SORL1: variants seen among roughly 807,000 people sequenced by gnomAD.
The protein encoded by SORL1 is sortilin related receptor 1.
Under a neutral mutation model 273.7 loss-of-function variants are expected in SORL1, and 127 were observed. The ratio of observed to expected loss-of-function variants is 0.46; its 90% CI spans 0.40 to 0.54. The LOEUF is 0.54. Among genes scored for constraint, SORL1 ranks in the 20% least tolerant of loss-of-function variants. The pLI is 0.00. For missense variants in SORL1, 2,494 were observed against 2,846.1 expected (o/e 0.88, Z 2.81); for synonymous variants, 1,031 against 1,067.4 (o/e 0.97, Z 0.66).
chr11:121,622,379 A>C, intron 45 of SORL1, 111 bp downstream of exon 45: 1 of 622,678 alleles, frequency 1.6e-6, no homozygotes, highest in Non-Finnish European at 2.8e-6. Flanking sequence ...AAAAGAAAGA[A>C]AAAGAATAGG....
chr11:121,589,518 C>T, intron 29 of SORL1, 128 bp downstream of exon 29: 1 of 1,161,488 alleles, frequency 8.6e-7, no homozygotes, highest in Non-Finnish European at 1.3e-6. Context: ...GCAGTTGCTG[C>T]CAGTTCCTGA....
At chr11:121,544,264 C>G (rs925066559) in intron 13 of SORL1, among the ~76,000 whole-genome samples, 7 of 152,136 alleles carry the variant, frequency 4.6e-5, no homozygotes, top group Non-Finnish European at 1.0e-4. Flanking sequence ...TTCTAGCTGC[C>G]CGGAGTGCCC....
intron 22 of SORL1, among the ~76,000 whole-genome samples, chr11:121,569,722 C>T (rs534091455): frequency 6.6e-5 from 10 of 152,320 alleles, no homozygotes; most frequent in African/African-American, 1.4e-4. Flanking sequence ...AATTTCGCCC[C>T]GTCCTGTGGT....
chr11:121,553,823 A>G, intron 16 of SORL1, 114 bp from the exon 17 acceptor site: 1 of 1,016,390 alleles, frequency 9.8e-7, no homozygotes, highest in Admixed American at 2.2e-5. Context: ...CTTGGTCCAC[A>G]CCACATGCCA....
intron 32 of SORL1, among the ~76,000 whole-genome samples, chr11:121,598,724 GAGAA>G (rs1863339457): frequency 6.6e-6 from 1 of 152,156 alleles, no homozygotes; most frequent in Non-Finnish European, 1.5e-5. Context: ...TCTGACTTGA[GAGAA>G]AAATCATCTT....
chr11:121,573,976 C>G (rs1862886081), intron 23 of SORL1, among the ~76,000 whole-genome samples: 1 of 152,240 alleles, frequency 6.6e-6, no homozygotes, highest in African/African-American at 2.4e-5. Flanking sequence ...GTCACTCTCT[C>G]TCGCCAACAG....
chr11:121,632,837 C>T lies in SORL1; in HGVS notation c.*3274C>T, dbSNP rs1863892983. 1 of 152,116 alleles carries T rather than the reference C, an allele frequency of 6.6e-6. No individual in the cohort carries two copies. The highest frequency in any genetic ancestry group is 1.5e-5 in the Non-Finnish European group (1 of 68,036). 9.4% of individuals were successfully genotyped at this position (152,116 alleles called of 1,614,324 possible). A position where few individuals can be genotyped will look rare whatever the true frequency, so the allele number is the denominator to read the frequency against. On this transcript the variant is annotated 3_prime_UTR_variant, in exon 48 of 48. Transcript: ENST00000260197. ...TATCAGGTTTGGTCAGTCCCTTCTT[C>T]ATGAAGGGAGTCATGGGGAATTCCT... is the stretch of plus-strand genomic sequence containing the variant.
chr11:121,628,878 T>C (rs1157658291), intron 47 of SORL1: 1 of 152,464 alleles, frequency 6.6e-6, no homozygotes, highest in Non-Finnish European at 1.5e-5. Context: ...TTTCCTTTCT[T>C]GCCTAATAAG....
At position 121,622,185 on chromosome 11, in the gene SORL1, T is replaced by C. The variant is rs752563625; in HGVS notation, c.6088T>C (p.Leu2030=). 1 of 1,610,906 alleles carries C rather than the reference T, an allele frequency of 6.2e-7. No individual in the cohort carries two copies. Among genetic ancestry groups the C allele is most frequent in the Non-Finnish European group, 8.5e-7 (1 of 1,177,976 alleles). The stretch of plus-strand genomic sequence containing the variant: ...AGTTTCATTATCAGCACCTGATGCC[T>C]TAAAAATCATAACAGAAAATGATCA... ...TTVSLSAPDA[L]KIITENDHVL... Residue 2030 remains leucine, a synonymous_variant, in exon 45 of 48, where the codon TTA becomes CTA. Coordinates refer to ENST00000260197, the MANE Select transcript of SORL1 (RefSeq NM_003105.6).
rs376825129 is a variant in SORL1 at position 121,548,531 on chromosome 11, G to A, written c.2052-1429G>A. 1.1e-3 allele frequency among the ~76,000 whole-genome samples: 166 copies of A among 152,244 alleles called. 1 individual carries two copies. Among genetic ancestry groups the A allele is most frequent in the African/African-American group, 4.0e-3 (166 of 41,568 alleles). On this transcript the variant is annotated intron_variant, in intron 14 of 47. Coordinates refer to ENST00000260197, the MANE Select transcript of SORL1 (RefSeq NM_003105.6). The stretch of plus-strand genomic sequence containing the variant: ...CTGTGTATCTGTTAATACTTTTTGT[G>A]TCAGAAATGTTTAATGAATATTTGG...
chr11:121,566,120 A>C (rs541710421), intron 21 of SORL1, among the ~76,000 whole-genome samples: 1 of 152,194 alleles, frequency 6.6e-6, no homozygotes, highest in East Asian at 1.9e-4. Flanking sequence ...GCAGAAACCC[A>C]CTCAAGCTAG....
chr11:121,460,394 ATTTTTT>A (rs781295199), intron 1 of SORL1, among the ~76,000 whole-genome samples: 1 of 122,954 alleles, frequency 8.1e-6, no homozygotes, highest in Non-Finnish European at 1.6e-5. Context: ...GTCATGATGA[ATTTTTT>A]TTTTTTTTTT....
At chr11:121,488,438 C>G (rs1179948173) in intron 4 of SORL1, among the ~76,000 whole-genome samples, 1 of 152,206 alleles carries the variant, frequency 6.6e-6, no homozygotes, top group Non-Finnish European at 1.5e-5. Context: ...AGTTAAACAT[C>G]ATGCCCTTCT....
At chr11:121,602,292 G>T (rs1863405270) in intron 32 of SORL1, among the ~76,000 whole-genome samples, 1 of 152,228 alleles carries the variant, frequency 6.6e-6, no homozygotes, top group African/African-American at 2.4e-5. Flanking sequence ...AAGTGGTTTT[G>T]ATAGTTCCCT....
At chr11:121,491,211 G>A (rs1053572740) in intron 5 of SORL1, among the ~76,000 whole-genome samples, 2 of 152,134 alleles carry the variant, frequency 1.3e-5, no homozygotes, top group Non-Finnish European at 2.9e-5. Flanking sequence ...AATCTGCATC[G>A]CTTGATAAAG....
rs1250648023 is a variant in SORL1 at position 121,619,831 on chromosome 11, C to T, written c.5803C>T (p.Pro1935Ser). 1 of 1,613,882 alleles carries T rather than the reference C, an allele frequency of 6.2e-7. No homozygotes were observed. The highest frequency in any genetic ancestry group is 1.1e-5 in the South Asian group (1 of 91,078). The change falls in exon 43 of 48, where the codon CCC becomes TCC. Residue 1935 changes from proline (P) to serine (S), a missense_variant. Transcript: ENST00000260197. ...GATGATCCCGGACAGCAGGCTTCCA[C>T]CCCGTCACCTGCATGTGGTTCATAC... ...VKMIPDSRLP[P>S]RHLHVVHTGK...
At chr11:121,527,059 A>C (rs1221581133) in intron 11 of SORL1, among the ~76,000 whole-genome samples, 1 of 152,008 alleles carries the variant, frequency 6.6e-6, no homozygotes, top group Non-Finnish European at 1.5e-5. Context: ...TATTGAATAG[A>C]AGTAGTGAAA....
chr11:121,540,685 C>T (rs1474169471), intron 12 of SORL1, among the ~76,000 whole-genome samples: 1 of 152,148 alleles, frequency 6.6e-6, no homozygotes, highest in East Asian at 1.9e-4. Context: ...CCCCAAAATT[C>T]TGAAGAGCAC....
chr11:121,476,452 C>T (rs150050019), intron 2 of SORL1, among the ~76,000 whole-genome samples: 41 of 152,314 alleles, frequency 2.7e-4, no homozygotes, highest in African/African-American at 8.2e-4. Context: ...GTATTAAAGA[C>T]GTGCATGTGC....
Sources: allele counts gnomAD v4.1 joint callset (sites outside exome capture counted in the v4.1 genomes callset), GRCh38; gene constraint gnomAD v4.1.1; transcripts MANE v1.5; gene names NCBI Gene and HGNC (gene_info 2026-07-23, HGNC 2026-07-21).